MDGA2: variants seen among roughly 807,000 people sequenced by gnomAD.
The protein encoded by MDGA2 is MAM domain containing glycosylphosphatidylinositol anchor 2, also known as MAM domain-containing glycosylphosphatidylinositol anchor protein 2.
Under a neutral mutation model 117.8 loss-of-function variants are expected in MDGA2, and 40 were observed. The observed-to-expected ratio is 0.34, with a 90% CI of 0.26 to 0.44. The LOEUF (loss-of-function observed/expected upper bound fraction) is 0.44. MDGA2 is among the 20% of genes least tolerant of loss of function. The pLI is 1.00. For missense variants in MDGA2, 1,123 were observed against 1,250.6 expected (o/e 0.90, Z 1.54); for synonymous variants, 452 against 439.0 (o/e 1.03, Z -0.37).
chr14:46,846,385 C>T (rs1185165004), intron 15 of MDGA2, among the ~76,000 whole-genome samples: 1 of 152,058 alleles, frequency 6.6e-6, no homozygotes, highest in African/African-American at 2.4e-5. Context: ...TGAATAGGTT[C>T]GTCATATTCC....
At chr14:46,863,607 A>C (rs1366557634) in intron 14 of MDGA2, among the ~76,000 whole-genome samples, 1 of 152,178 alleles carries the variant, frequency 6.6e-6, no homozygotes, top group East Asian at 1.9e-4. Context: ...AATTGATGAA[A>C]TAATATTGTC....
intron 3 of MDGA2, among the ~76,000 whole-genome samples, chr14:47,171,031 C>T (rs1475775338): frequency 2.0e-5 from 3 of 151,986 alleles, no homozygotes; most frequent in Non-Finnish European, 4.4e-5. Context: ...TAAATATAGG[C>T]TAATTCAAAT....
At chr14:47,558,576 T>C (rs1246099434) in intron 1 of MDGA2, among the ~76,000 whole-genome samples, 1 of 152,170 alleles carries the variant, frequency 6.6e-6, no homozygotes, top group Non-Finnish European at 1.5e-5. Context: ...TTTTAAGTAG[T>C]GGATTTCATA....
At chr14:47,582,261 G>A (rs942384293) in intron 1 of MDGA2, among the ~76,000 whole-genome samples, 4 of 151,804 alleles carry the variant, frequency 2.6e-5, no homozygotes, top group Admixed American at 2.6e-4. Context: ...TCTTCCAACG[G>A]CCAGTCCTCC....
chr14:46,874,702 CAAATTATTTTGA>C (rs1882153391), intron 12 of MDGA2, among the ~76,000 whole-genome samples: 1 of 151,730 alleles, frequency 6.6e-6, no homozygotes. Flanking sequence ...AAGCTAATAG[CAAATTATTTTGA>C]AAAGTATTTA....
intron 1 of MDGA2, among the ~76,000 whole-genome samples, chr14:47,645,294 G>T (rs1408635218): frequency 1.3e-5 from 2 of 151,774 alleles, no homozygotes; most frequent in Non-Finnish European, 2.9e-5. Context: ...CCAAGCTGGA[G>T]GTGCGGTGGC....
intron 1 of MDGA2, among the ~76,000 whole-genome samples, chr14:47,611,600 G>T (rs1171824018): frequency 1.3e-5 from 2 of 151,938 alleles, no homozygotes; most frequent in Non-Finnish European, 2.9e-5. Context: ...ACAAACATGA[G>T]AAAATACTCA....
At chr14:47,561,158 G>GGTTTT (rs1566515949) in intron 1 of MDGA2, among the ~76,000 whole-genome samples, 9 of 55,096 alleles carry the variant, frequency 1.6e-4, no homozygotes, top group Non-Finnish European at 2.2e-4. Flanking sequence ...TTTTTGTTTT[G>GGTTTT]TTTTGTTTTT....
chr14:47,437,880 T>A lies in MDGA2; in HGVS notation c.281-136330A>T, dbSNP rs140131794. 2.1e-3 allele frequency among the ~76,000 whole-genome samples: 319 copies of A among 152,308 alleles called. 1 individual carries two copies. The highest frequency in any genetic ancestry group is 8.3e-3 in the Admixed American group (127 of 15,292). The stretch of plus-strand genomic sequence containing the variant: ...TCTAGCACTAGTTTATTCTGAGTAG[T>A]CATGCTACACTCTAATAAAGGCAAC... On this transcript the variant is annotated intron_variant, in intron 1 of 16. Transcript: ENST00000399232.
intron 5 of MDGA2, among the ~76,000 whole-genome samples, chr14:47,103,982 C>T (rs1024420418): frequency 6.6e-6 from 1 of 152,140 alleles, no homozygotes; most frequent in Non-Finnish European, 1.5e-5. Context: ...TACAACTTAA[C>T]AAGAAGAGAA....
intron 1 of MDGA2, among the ~76,000 whole-genome samples, chr14:47,406,511 G>T (rs929675129): frequency 2.0e-5 from 3 of 151,958 alleles, no homozygotes; most frequent in Admixed American, 6.6e-5. Flanking sequence ...GGGAAGGGTT[G>T]GGATAAAGAG....
At chr14:47,068,466 G>A (rs937671948) in intron 6 of MDGA2, among the ~76,000 whole-genome samples, 6 of 150,798 alleles carry the variant, frequency 4.0e-5, no homozygotes, top group Non-Finnish European at 8.8e-5. Flanking sequence ...CTTTATCGGT[G>A]TCATAAATGA....
intron 7 of MDGA2, among the ~76,000 whole-genome samples, chr14:47,056,750 C>T (rs762664698): frequency 1.3e-5 from 2 of 152,086 alleles, no homozygotes; most frequent in Non-Finnish European, 2.9e-5. Context: ...TGCAACAATG[C>T]CTTTGAAAAT....
chr14:47,208,325 C>G (rs1334012526), intron 3 of MDGA2, among the ~76,000 whole-genome samples: 1 of 152,040 alleles, frequency 6.6e-6, no homozygotes, highest in African/African-American at 2.4e-5. Flanking sequence ...TGAATACATT[C>G]AGAGAAAGTA....
At chr14:46,976,145 G>C (rs552641010) in intron 8 of MDGA2, among the ~76,000 whole-genome samples, 11 of 152,196 alleles carry the variant, frequency 7.2e-5, no homozygotes, top group African/African-American at 2.6e-4. Flanking sequence ...GACAGTGTTG[G>C]ATACACAACA....
intron 6 of MDGA2, among the ~76,000 whole-genome samples, chr14:47,085,917 T>G (rs1406602736): frequency 1.3e-5 from 2 of 152,056 alleles, no homozygotes; most frequent in Non-Finnish European, 2.9e-5. Context: ...AAAGAGAAAG[T>G]AACACTGATT....
At chr14:47,461,433 T>C (rs1893484590) in intron 1 of MDGA2, among the ~76,000 whole-genome samples, 1 of 152,048 alleles carries the variant, frequency 6.6e-6, no homozygotes. Flanking sequence ...ACAGAGGGGA[T>C]TCAAACCTAG....
intron 1 of MDGA2, among the ~76,000 whole-genome samples, chr14:47,623,151 T>A (rs1434642412): frequency 1.3e-5 from 2 of 152,186 alleles, no homozygotes. Flanking sequence ...GATAAAACGA[T>A]GAGTTCAGTC....
rs527575481 is a variant in MDGA2 at position 47,297,489 on chromosome 14, G to A, written c.420+3922C>T. Reference sequence around the variant, plus strand: ...GGAGTGAAGGGAAGGGGAGTGGAGGGGTGTGAAGGGAAGGGAAGGGAAGGG... The same window carrying A: ...GGAGTGAAGGGAAGGGGAGTGGAGGAGTGTGAAGGGAAGGGAAGGGAAGGG... On this transcript the variant is annotated intron_variant, in intron 2 of 16. Transcript: ENST00000399232. Among the ~76,000 whole-genome samples the A allele has an allele frequency of 1.1e-3, 114 of 99,228 alleles. 2 individuals are homozygous for A. The highest frequency in any genetic ancestry group is 4.3e-3 in the African/African-American group (110 of 25,744). 65.1% of individuals were successfully genotyped at this position (99,228 alleles called of 152,430 possible).
Sources: gnomAD v4.1 joint callset for allele counts (sites outside exome capture counted in the v4.1 genomes callset) on GRCh38, gnomAD v4.1.1 for gene constraint, MANE v1.5 for transcripts, NCBI Gene and HGNC (gene_info 2026-07-23, HGNC 2026-07-21) for gene names.